The following ZNF581 variants were observed in gnomAD, a reference collection of about 807,000 sequenced individuals.
ZNF581 encodes the protein zinc finger protein 581.
ZNF581 carries 1 observed loss-of-function variant against 1.2 expected under a neutral mutation model. The observed-to-expected ratio is 0.83, with a 90% CI of 0.30 to 3.95. ZNF581 has a LOEUF of 3.95. ZNF581 is among the 30% of genes most tolerant of loss of function. ZNF581 has a pLI of 0.18. For missense variants in ZNF581, 273 were observed against 274.6 expected, an observed-to-expected ratio of 0.99 and a Z score of 0.04; for synonymous variants, 105 against 109.2, an observed-to-expected ratio of 0.96 and a Z score of 0.24.
upstream of ZNF581, chr19:55,642,265 G>A (rs923125581): frequency 5.6e-6 from 7 of 1,240,270 alleles, no homozygotes; most frequent in South Asian, 2.0e-4. Context: ...GGACCCAGGA[G>A]GAGTGGCAGG....
upstream of ZNF581, among the ~76,000 whole-genome samples, chr19:55,638,439 G>A (rs535105970): frequency 6.6e-6 from 1 of 152,222 alleles, no homozygotes; most frequent in African/African-American, 2.4e-5. Flanking sequence ...AGGTTACACC[G>A]TGTTGGCCAG....
At position 55,644,476 on chromosome 19, in the gene ZNF581, G is replaced by A. The variant is rs866915317; in HGVS notation, c.-19-77G>A. On this transcript the variant is annotated intron_variant, in intron 1 of 1. Coordinates refer to ENST00000270451, the MANE Select transcript of ZNF581 (RefSeq NM_016535.4). This position sits in a 1 kb window ranked among gnomAD's most constrained non-coding sequence, Gnocchi z 4.3. ...GCAGAGGTCCTGGGCCGGGTATAGG[G>A]AGGGAAAAGGATGGAGCCTGTGGTG... 4 of 928,894 alleles carry A rather than the reference G, an allele frequency of 4.3e-6. No individual in the cohort carries two copies. Among genetic ancestry groups the A allele is most frequent in the Non-Finnish European group, 6.3e-6 (4 of 632,478 alleles). The allele number at this position is 928,894 out of a possible 1,614,324, so 57.5% of individuals were successfully genotyped here. A position where few individuals can be genotyped will look rare whatever the true frequency, so the allele number is the denominator to read the frequency against.
chr19:55,642,930 C>A, upstream of ZNF581: 1 of 1,471,514 alleles, frequency 6.8e-7, no homozygotes, highest in Non-Finnish European at 9.0e-7. Flanking sequence ...CATCGCGCCA[C>A]GCACCGCGCC....
rs1982722620 is a variant in ZNF581 at position 55,644,344 on chromosome 19, A to T, written c.-19-209A>T. The stretch of plus-strand genomic sequence containing the variant: ...GAGTACAGTGTATGGTGGAGCACCG[A>T]GGCTAGGAGAGGTTTTCCAAGGAGG... On this transcript the variant is annotated intron_variant, in intron 1 of 1. Transcript: ENST00000270451. The surrounding 1 kb of genome is among the most constrained non-coding windows in gnomAD (Gnocchi z 4.3). Among the ~76,000 whole-genome samples the T allele has an allele frequency of 6.6e-6, 1 of 152,118 alleles. No individual in the cohort carries two copies. The highest frequency in any genetic ancestry group is 2.4e-5 in the African/African-American group (1 of 41,416).
chr19:55,641,044 C>A (rs1055349846), upstream of ZNF581: 58 of 985,048 alleles, frequency 5.9e-5, no homozygotes, highest in Non-Finnish European at 7.0e-5. Flanking sequence ...ACCCCCGCGC[C>A]CCCAGTCCCC....
chr19:55,635,533 C>A, exon 1 of ZNF581: 1 of 322,594 alleles, frequency 3.1e-6, no homozygotes, highest in Non-Finnish European at 4.5e-6. Context: ...GCCCCCTCTG[C>A]GCTGTGGAGT....
chr19:55,639,981 A>AC (rs1982346601), upstream of ZNF581: 3 of 223,926 alleles, frequency 1.3e-5, no homozygotes, highest in Non-Finnish European at 2.2e-5. Context: ...CAAGAGTGTA[A>AC]GAGTCCCACG....
chr19:55,637,464 G>C (rs568112667), upstream of ZNF581, among the ~76,000 whole-genome samples: 19 of 152,312 alleles, frequency 1.2e-4, no homozygotes, highest in South Asian at 1.7e-3. Flanking sequence ...TTGAACCTGG[G>C]AGGTGGAGGC....
At chr19:55,641,031 C>A, upstream of ZNF581, 1 of 985,308 alleles carries the variant, frequency 1.0e-6, no homozygotes, top group Non-Finnish European at 1.2e-6. Flanking sequence ...GCCAACCCCT[C>A]GCACCCCCGC....
upstream of ZNF581, among the ~76,000 whole-genome samples, chr19:55,641,525 C>A: frequency 6.6e-6 from 1 of 152,044 alleles, no homozygotes; most frequent in Non-Finnish European, 1.5e-5. Context: ...AAGAGGTGAA[C>A]ACGAGGAGAA....
At chr19:55,642,282 C>T, upstream of ZNF581, 4 of 1,242,510 alleles carry the variant, frequency 3.2e-6, no homozygotes, top group Non-Finnish European at 4.0e-6. Context: ...CAGGTGGTGG[C>T]GGGGTTTTGC....
chr19:55,637,786 CTT>C (rs574203075), upstream of ZNF581, among the ~76,000 whole-genome samples: 33 of 152,344 alleles, frequency 2.2e-4, no homozygotes, highest in African/African-American at 7.2e-4. Flanking sequence ...CACACGATCT[CTT>C]TGAGCTCTGC....
chr19:55,637,702 G>A (rs1982177121), upstream of ZNF581, among the ~76,000 whole-genome samples: 1 of 152,162 alleles, frequency 6.6e-6, no homozygotes, highest in African/African-American at 2.4e-5. Context: ...GGGGTCATGT[G>A]CACTGACCTG....
Position 55,644,925 on chromosome 19 carries a change from C to T in ZNF581, c.354C>T (p.Asp118=), listed in dbSNP as rs1322950621. 1 of 1,613,648 alleles carries T rather than the reference C, an allele frequency of 6.2e-7. No homozygotes were observed. Among genetic ancestry groups the T allele is most frequent in the African/African-American group, 1.3e-5 (1 of 74,930 alleles). The change falls in exon 2 of 2, where the codon GAC becomes GAT. Residue 118 remains aspartate, a synonymous_variant. Coordinates refer to ENST00000270451, the MANE Select transcript of ZNF581 (RefSeq NM_016535.4). This position sits in a 1 kb window ranked among gnomAD's most constrained non-coding sequence, Gnocchi z 4.3. ...CGGAGGTAAAGCCCTTCGAGTGTGA[C>T]ATCTGTGGGAAGGCATTCAAGCGCG... The part of the protein sequence containing the change: ...THSEVKPFEC[D]ICGKAFKRAS...
chr19:55,639,149 G>C (rs966451969), upstream of ZNF581, among the ~76,000 whole-genome samples: 1 of 152,060 alleles, frequency 6.6e-6, no homozygotes, highest in African/African-American at 2.4e-5. Context: ...TTGCCTCCTA[G>C]AGGACACGGG....
chr19:55,642,339 G>C (rs1982556559), upstream of ZNF581: 2 of 1,265,722 alleles, frequency 1.6e-6, no homozygotes, highest in Non-Finnish European at 2.0e-6. Context: ...TGGAACGTGG[G>C]AGAGCCGGGC....
chr19:55,644,389 A>C lies in ZNF581; in HGVS notation c.-19-164A>C, dbSNP rs757593586. Among the ~76,000 whole-genome samples, 8 of 152,042 alleles carry C rather than the reference A, an allele frequency of 5.3e-5. No homozygotes were observed. Among genetic ancestry groups the C allele is most frequent in the Non-Finnish European group, 1.2e-4 (8 of 67,978 alleles). On this transcript the variant is annotated intron_variant, in intron 1 of 1. Coordinates refer to ENST00000270451, the MANE Select transcript of ZNF581 (RefSeq NM_016535.4). The surrounding 1 kb of genome is among the most constrained non-coding windows in gnomAD (Gnocchi z 4.3). ...AGGAGGAAGACCCTGGGGACCTTTTAGGGGGCCACAGACTCCAGCTGTGAG... is the reference window on the plus strand; with the variant it reads ...AGGAGGAAGACCCTGGGGACCTTTTCGGGGGCCACAGACTCCAGCTGTGAG...
chr19:55,642,584 G>A (rs757796258), upstream of ZNF581: 5 of 1,448,152 alleles, frequency 3.5e-6, no homozygotes, highest in Non-Finnish European at 4.5e-6. Flanking sequence ...GCCCCCCAAG[G>A]CTCCCCCTTT....
chr19:55,642,089 G>T (rs1273134319), upstream of ZNF581: 1 of 993,220 alleles, frequency 1.0e-6, no homozygotes, highest in African/African-American at 1.7e-5. Context: ...GAAAAAAGAA[G>T]AAACCACAGA....
Sources: allele counts gnomAD v4.1 joint callset (sites outside exome capture counted in the v4.1 genomes callset), GRCh38; gene constraint gnomAD v4.1.1; non-coding constraint Gnocchi (gnomAD v3.1); transcripts MANE v1.5; gene names NCBI Gene and HGNC (gene_info 2026-07-23, HGNC 2026-07-21).